RNLS: variants seen among roughly 807,000 people sequenced by gnomAD.
RNLS encodes renalase, FAD dependent amine oxidase.
Under a neutral mutation model 39.8 loss-of-function variants are expected in RNLS, and 39 were observed. The observed-to-expected ratio is 0.98, with a 90% CI of 0.76 to 1.28. The LOEUF is 1.28. Among genes scored for constraint, RNLS ranks in the 50% most tolerant of loss-of-function variants. The pLI, the probability that RNLS is intolerant of heterozygous loss-of-function variation, is 0.00. For missense variants in RNLS, 410 were observed against 413.3 expected (o/e 0.99, Z 0.07); for synonymous variants, 147 against 150.7 (o/e 0.98, Z 0.18).
At chr10:88,256,182 T>G in the RNLS span, among the ~76,000 whole-genome samples, 1 of 151,446 alleles carries the variant, frequency 6.6e-6, no homozygotes, top group Non-Finnish European at 1.5e-5. Context: ...AGAAAGCTAT[T>G]TGCAAGGAAA....
At chr10:88,491,137 C>T (rs1487558825) in intron 4 of RNLS, among the ~76,000 whole-genome samples, 2 of 152,110 alleles carry the variant, frequency 1.3e-5, no homozygotes, top group African/African-American at 4.8e-5. Context: ...AGGGGAACAA[C>T]CAGTCTGCTT....
intron 4 of RNLS, among the ~76,000 whole-genome samples, chr10:88,380,295 G>GTAA (rs1235990405): frequency 1.5e-4 from 23 of 150,906 alleles, no homozygotes; most frequent in African/African-American, 5.1e-4. Flanking sequence ...TGCTTGCTAG[G>GTAA]TAATAGAGAA....
At chr10:88,573,495 C>T (rs1245462342) in intron 3 of RNLS, among the ~76,000 whole-genome samples, 6 of 152,086 alleles carry the variant, frequency 3.9e-5, no homozygotes, top group African/African-American at 1.4e-4. Context: ...CTTCAGTAAA[C>T]ATGTGTGTTA....
chr10:88,341,058 CA>C (rs58277887), intron 5 of RNLS, among the ~76,000 whole-genome samples: 103,120 of 128,452 alleles, frequency 0.8, 40,909 homozygotes, highest in Middle Eastern at 0.82. Context: ...GATTCTGTCT[CA>C]AAAAAAAAAA....
chr10:88,296,608 A>C (rs1411121496), intron 6 of RNLS, among the ~76,000 whole-genome samples: 1 of 152,204 alleles, frequency 6.6e-6, no homozygotes, highest in Non-Finnish European at 1.5e-5. Context: ...GTATTAAAAA[A>C]TTTAATGTTG....
chr10:88,492,444 A>AG (rs1844942951), intron 4 of RNLS, among the ~76,000 whole-genome samples: 1 of 138,228 alleles, frequency 7.2e-6, no homozygotes, highest in Non-Finnish European at 1.5e-5. Context: ...TTTGAGACAG[A>AG]GTCTTGCTCT....
At chr10:88,545,555 C>T (rs1216723462) in intron 4 of RNLS, 1 of 431,586 alleles carries the variant, frequency 2.3e-6, no homozygotes, top group African/African-American at 2.0e-5. Context: ...CGGGAAAAAC[C>T]TGCCCCCATG....
intron 4 of RNLS, among the ~76,000 whole-genome samples, chr10:88,429,669 A>T (rs1442629458): frequency 6.6e-6 from 1 of 151,866 alleles, no homozygotes; most frequent in Non-Finnish European, 1.5e-5. Context: ...TAGGCCTGTG[A>T]TTCACTTTGA....
chr10:88,203,438 G>A, the RNLS span, among the ~76,000 whole-genome samples: 1 of 2,016 alleles, frequency 5.0e-4, no homozygotes, highest in East Asian at 6.3e-3. Context: ...ATATATATAC[G>A]TGTGTGTGTG....
At chr10:88,502,699 G>A (rs1845574094) in intron 4 of RNLS, among the ~76,000 whole-genome samples, 1 of 152,128 alleles carries the variant, frequency 6.6e-6, no homozygotes, top group Non-Finnish European at 1.5e-5. Flanking sequence ...ATGCTCTACA[G>A]GTGATTCTGT....
At position 88,497,972 on chromosome 10, in the gene RNLS, A is replaced by C. The variant is rs562890228; in HGVS notation, c.526+74931T>G. Among the ~76,000 whole-genome samples the C allele has an allele frequency of 6.6e-4, 101 of 152,178 alleles. 1 individual carries two copies. The South Asian group carries it at 7.0e-3, about 11-fold the overall frequency. On this transcript the variant is annotated intron_variant, in intron 4 of 6. Coordinates refer to ENST00000331772, the MANE Select transcript of RNLS (RefSeq NM_001031709.3). ...AAAAAAAACCCAAAAAGTCCTAGTC[A>C]AGAGCATAAAATTTATCTGGATATG...
intron 4 of RNLS, among the ~76,000 whole-genome samples, chr10:88,539,430 C>T (rs1003098952): frequency 7.9e-5 from 12 of 152,014 alleles, no homozygotes; most frequent in Non-Finnish European, 1.2e-4. Flanking sequence ...AATACAAATT[C>T]GTCACACTTT....
the RNLS span, among the ~76,000 whole-genome samples, chr10:88,195,964 T>C: frequency 1.3e-5 from 2 of 152,216 alleles, no homozygotes; most frequent in African/African-American, 4.8e-5. Context: ...CTTTTGTCTT[T>C]TTGTTTAATT....
At chr10:88,171,884 T>C in the RNLS span, among the ~76,000 whole-genome samples, 3 of 152,186 alleles carry the variant, frequency 2.0e-5, no homozygotes, top group Non-Finnish European at 4.4e-5. Flanking sequence ...AATTCTACTC[T>C]CTACTTCTGT....
chr10:88,212,419 G>A, the RNLS span, among the ~76,000 whole-genome samples: 24 of 152,258 alleles, frequency 1.6e-4, 1 homozygote, highest in East Asian at 3.9e-3. Flanking sequence ...CCTTCTAAAA[G>A]TTCTTCAGAT....
chr10:88,260,957 C>T, the RNLS span, among the ~76,000 whole-genome samples: 4 of 152,180 alleles, frequency 2.6e-5, no homozygotes, highest in African/African-American at 7.2e-5. Flanking sequence ...CCCAAACCTT[C>T]CAGAGTTGCT....
chr10:88,375,325 A>C lies in RNLS; in HGVS notation c.527-12600T>G, dbSNP rs538343070. Among the ~76,000 whole-genome samples the C allele has an allele frequency of 6.6e-5, 10 of 152,298 alleles. No homozygotes were observed. In the East Asian group the frequency reaches 1.7e-3, roughly 26 times the overall value. Reference sequence around the variant, plus strand: ...AAAATGAAATTAGATGTCATAAAGGACTATGAACTAGTAAGAGTTCCCCGA... The same window carrying C: ...AAAATGAAATTAGATGTCATAAAGGCCTATGAACTAGTAAGAGTTCCCCGA... On this transcript the variant is annotated intron_variant, in intron 4 of 6. Coordinates refer to ENST00000331772, the MANE Select transcript of RNLS (RefSeq NM_001031709.3).
intron 1 of RNLS, 63 bp from the exon 2 acceptor site, chr10:88,582,370 T>C (rs1850640310): frequency 3.0e-6 from 4 of 1,325,040 alleles, no homozygotes; most frequent in Admixed American, 4.3e-5. Context: ...ATTAATTCAA[T>C]GCACCTTAGG....
chr10:88,565,579 C>A (rs1259057830), intron 4 of RNLS, among the ~76,000 whole-genome samples: 2 of 151,948 alleles, frequency 1.3e-5, no homozygotes, highest in Non-Finnish European at 2.9e-5. Flanking sequence ...AATATAACAT[C>A]CAAAGACCCT....
Sources: gnomAD v4.1 joint callset for allele counts (sites outside exome capture counted in the v4.1 genomes callset) on GRCh38, gnomAD v4.1.1 for gene constraint, MANE v1.5 for transcripts, NCBI Gene and HGNC (gene_info 2026-07-23, HGNC 2026-07-21) for gene names.